ADAMTS17: variants seen among roughly 807,000 people sequenced by gnomAD.
The protein encoded by ADAMTS17 is A disintegrin and metalloproteinase with thrombospondin motifs 17.
Under a neutral mutation model 141.5 loss-of-function variants are expected in ADAMTS17, and 113 were observed. The ratio of observed to expected loss-of-function variants is 0.80; its 90% confidence interval spans 0.69 to 0.93. The LOEUF is 0.93. Among genes scored for constraint, ADAMTS17 ranks in the 40% least tolerant of loss-of-function variants. The pLI is 0.00. For synonymous variants in ADAMTS17, 768 were observed against 630.6 expected, an observed-to-expected ratio of 1.22 and a Z score of -3.27; for missense variants, 1,659 against 1,517.9, an observed-to-expected ratio of 1.09 and a Z score of -1.54.
intron 7 of ADAMTS17, among the ~76,000 whole-genome samples, chr15:100,237,227 C>T (rs1041164665): frequency 5.9e-5 from 9 of 152,168 alleles, no homozygotes; most frequent in Admixed American, 2.0e-4. Flanking sequence ...CTACAGGAGG[C>T]GACTCCATGT....
intron 14 of ADAMTS17, among the ~76,000 whole-genome samples, chr15:100,100,182 G>A (rs1422900130): frequency 6.6e-6 from 1 of 151,608 alleles, no homozygotes; most frequent in Non-Finnish European, 1.5e-5. Context: ...ACACCCCAGA[G>A]TGTGTGCTAA....
intron 10 of ADAMTS17, among the ~76,000 whole-genome samples, chr15:100,147,929 C>A (rs778793187): frequency 6.6e-6 from 1 of 152,244 alleles, no homozygotes; most frequent in Non-Finnish European, 1.5e-5. Flanking sequence ...GTTCCTTCTG[C>A]GAGGCTGTGA....
At chr15:99,991,645 C>G (rs1389662875) in intron 20 of ADAMTS17, among the ~76,000 whole-genome samples, 1 of 152,148 alleles carries the variant, frequency 6.6e-6, no homozygotes, top group Admixed American at 6.5e-5. Context: ...CCAGAAATAC[C>G]ATTTGACCCA....
intron 10 of ADAMTS17, among the ~76,000 whole-genome samples, chr15:100,136,021 T>C (rs2038312627): frequency 6.6e-6 from 1 of 152,196 alleles, no homozygotes; most frequent in Non-Finnish European, 1.5e-5. Context: ...ACTTTGGCAG[T>C]ATTTGCTAAA....
chr15:100,235,540 C>T (rs553444037), intron 7 of ADAMTS17, among the ~76,000 whole-genome samples: 5 of 152,088 alleles, frequency 3.3e-5, no homozygotes, highest in Non-Finnish European at 7.3e-5. Flanking sequence ...GAAGGCTTGC[C>T]ACATCACAGA....
intron 8 of ADAMTS17, among the ~76,000 whole-genome samples, chr15:100,193,651 G>A (rs977695354): frequency 2.0e-5 from 3 of 151,832 alleles, no homozygotes; most frequent in African/African-American, 4.8e-5. Flanking sequence ...GTGACGCTGG[G>A]CCACTGCATT....
intron 13 of ADAMTS17, among the ~76,000 whole-genome samples, chr15:100,112,743 A>G (rs992846142): frequency 3.9e-5 from 6 of 152,160 alleles, no homozygotes; most frequent in Non-Finnish European, 8.8e-5. Context: ...TTCTGACTGA[A>G]GCTGCAAAGC....
chr15:100,059,238 GC>G (rs2032914658), intron 15 of ADAMTS17, among the ~76,000 whole-genome samples: 1 of 152,374 alleles, frequency 6.6e-6, no homozygotes, highest in East Asian at 1.9e-4. Context: ...AGCTCTCACA[GC>G]CCCAGAAAGA....
At chr15:100,332,295 A>G (rs1175025088) in intron 2 of ADAMTS17, among the ~76,000 whole-genome samples, 1 of 152,234 alleles carries the variant, frequency 6.6e-6, no homozygotes, top group Non-Finnish European at 1.5e-5. Flanking sequence ...AAGAAATGGA[A>G]GACGGTGGCC....
intron 3 of ADAMTS17, among the ~76,000 whole-genome samples, chr15:100,319,519 G>C (rs2045664405): frequency 6.6e-6 from 1 of 152,104 alleles, no homozygotes; most frequent in African/African-American, 2.4e-5. Flanking sequence ...GAACAGCCTG[G>C]CCAACATGGC....
chr15:100,093,623 C>G (rs1035339103), intron 15 of ADAMTS17, among the ~76,000 whole-genome samples: 1 of 152,084 alleles, frequency 6.6e-6, no homozygotes, highest in Non-Finnish European at 1.5e-5. Context: ...CCCCTACCCC[C>G]ACTATCAGCT....
At chr15:100,062,363 G>T (rs1485464376) in intron 15 of ADAMTS17, among the ~76,000 whole-genome samples, 1 of 152,220 alleles carries the variant, frequency 6.6e-6, no homozygotes, top group Non-Finnish European at 1.5e-5. Flanking sequence ...CACAGAGTGT[G>T]GTGCCAGTGA....
At chr15:100,059,917 G>T (rs1031759569) in intron 15 of ADAMTS17, among the ~76,000 whole-genome samples, 1 of 152,136 alleles carries the variant, frequency 6.6e-6, no homozygotes, top group African/African-American at 2.4e-5. Context: ...GGCTCTACAA[G>T]TTCCTGTCCC....
intron 8 of ADAMTS17, among the ~76,000 whole-genome samples, chr15:100,193,779 A>T (rs1187116732): frequency 6.6e-6 from 1 of 152,206 alleles, no homozygotes; most frequent in African/African-American, 2.4e-5. Flanking sequence ...CCACTACAGG[A>T]GAGGTCAACT....
At chr15:100,198,138 A>G (rs544664169) in intron 8 of ADAMTS17, among the ~76,000 whole-genome samples, 1 of 152,366 alleles carries the variant, frequency 6.6e-6, no homozygotes, top group Non-Finnish European at 1.5e-5. Flanking sequence ...AAACCTGCAC[A>G]TTCTGCACAT....
At chr15:100,081,350 C>CTA (rs1011986575) in intron 15 of ADAMTS17, among the ~76,000 whole-genome samples, 10 of 151,822 alleles carry the variant, frequency 6.6e-5, no homozygotes, top group South Asian at 2.1e-4. Flanking sequence ...ATAAACTCCC[C>CTA]TATATATATA....
intron 18 of ADAMTS17, among the ~76,000 whole-genome samples, chr15:100,043,775 T>C (rs1367444190): frequency 2.0e-5 from 3 of 152,274 alleles, no homozygotes; most frequent in Non-Finnish European, 4.4e-5. Context: ...TCTACGGAGA[T>C]ACTAAGAACT....
rs7164884 is a variant in ADAMTS17 at position 100,148,617 on chromosome 15, T to C, written c.1473+3995A>G. Among the ~76,000 whole-genome samples, 312 of 152,270 alleles carry C rather than the reference T, an allele frequency of 2.0e-3. 6 individuals are homozygous for C. Among genetic ancestry groups the C allele is most frequent in the African/African-American group, 7.0e-3 (291 of 41,550 alleles). ...ACTGTCAGTTTTACCTTTATCTGTA[T>C]ATAACTTATCTGTTTTTCCTCTGGC... On this transcript the variant is annotated intron_variant, in intron 10 of 21. Transcript: ENST00000268070.
chr15:100,187,408 G>A (rs754371864), intron 8 of ADAMTS17, among the ~76,000 whole-genome samples: 1 of 152,188 alleles, frequency 6.6e-6, no homozygotes, highest in African/African-American at 2.4e-5. Flanking sequence ...TCACTTTGTA[G>A]GAGTTGCTAT....
Sources: gnomAD v4.1 joint callset for allele counts (sites outside exome capture counted in the v4.1 genomes callset) on GRCh38, gnomAD v4.1.1 for gene constraint, MANE v1.5 for transcripts, NCBI Gene and HGNC (gene_info 2026-07-23, HGNC 2026-07-21) for gene names.